SGMS1: variants seen among roughly 807,000 people sequenced by gnomAD.
SGMS1 encodes the protein phosphatidylcholine:ceramide cholinephosphotransferase 1.
A neutral mutation model predicts 46.2 loss-of-function variants in SGMS1; 13 were observed. The observed-to-expected ratio is 0.28, with a 90% CI of 0.18 to 0.45. The LOEUF is 0.45. Ranked by LOEUF, SGMS1 falls within the 20% of genes least tolerant of loss-of-function variation. SGMS1 has a pLI of 1.00. For missense variants in SGMS1, 324 were observed against 519.9 expected (o/e 0.62, Z 3.66); for synonymous variants, 203 against 187.8 (o/e 1.08, Z -0.66).
At chr10:50,485,490 C>T (rs977668493) in intron 3 of SGMS1, among the ~76,000 whole-genome samples, 8 of 152,124 alleles carry the variant, frequency 5.3e-5, no homozygotes, top group Non-Finnish European at 8.8e-5. Flanking sequence ...TTTACAGATT[C>T]GATGCTATTC....
chr10:50,367,718 C>A (rs1265334814), intron 6 of SGMS1, among the ~76,000 whole-genome samples: 1 of 152,208 alleles, frequency 6.6e-6, no homozygotes, highest in Non-Finnish European at 1.5e-5. Flanking sequence ...ATCCTTTCCA[C>A]TCACCGCTGA....
At chr10:50,619,410 A>G (rs1021882135) in intron 1 of SGMS1, among the ~76,000 whole-genome samples, 2 of 152,238 alleles carry the variant, frequency 1.3e-5, no homozygotes, top group Non-Finnish European at 2.9e-5. Flanking sequence ...AAAGAATGAA[A>G]TCTATAGCAC....
intron 2 of SGMS1, among the ~76,000 whole-genome samples, chr10:50,565,522 G>C (rs995115267): frequency 6.6e-6 from 1 of 152,168 alleles, no homozygotes; most frequent in Non-Finnish European, 1.5e-5. Context: ...AAGTGGTTAA[G>C]GGCATGGGTT....
At chr10:50,382,207 T>C (rs901823296) in intron 6 of SGMS1, among the ~76,000 whole-genome samples, 2 of 152,148 alleles carry the variant, frequency 1.3e-5, no homozygotes, top group African/African-American at 4.8e-5. Flanking sequence ...TGGTATCAGC[T>C]AATCTAAGGG....
At chr10:50,448,363 T>C (rs1422346053) in intron 5 of SGMS1, among the ~76,000 whole-genome samples, 1 of 152,192 alleles carries the variant, frequency 6.6e-6, no homozygotes, top group Non-Finnish European at 1.5e-5. Flanking sequence ...CCCTTATTAA[T>C]GTCTGCAGTC....
In SGMS1 at chr10:50,311,335, G is replaced by A; in HGVS notation, c.822C>T (p.His274=). 6.2e-7 allele frequency: 1 copy of A among 1,614,018 alleles called. No homozygotes were observed. The highest frequency in any genetic ancestry group is 1.1e-5 in the South Asian group (1 of 91,068). ...AGGGLSITGS[H]NMCGDYLYSG... ...TGTACAGATAGTCCCCACACATGTT[G>A]TGAGAGCCAGTGATAGACAAGCCAC... The change falls in exon 9 of 11, where the codon CAC becomes CAT. Residue 274 remains histidine (H), a synonymous_variant. Transcript: ENST00000361781.
At chr10:50,334,227 A>T (rs1307038807) in intron 7 of SGMS1, among the ~76,000 whole-genome samples, 1 of 152,260 alleles carries the variant, frequency 6.6e-6, no homozygotes, top group African/African-American at 2.4e-5. Context: ...AGTATCCTCC[A>T]GAAACTGCTA....
intron 2 of SGMS1, among the ~76,000 whole-genome samples, chr10:50,526,249 A>G (rs1837900359): frequency 6.6e-6 from 1 of 152,188 alleles, no homozygotes; most frequent in African/African-American, 2.4e-5. Context: ...AAAGGGAAGC[A>G]AGCACCTTCT....
chr10:50,475,975 G>C (rs1051540784), intron 3 of SGMS1, among the ~76,000 whole-genome samples: 2 of 151,586 alleles, frequency 1.3e-5, no homozygotes, highest in African/African-American at 4.9e-5. Context: ...TAGGGGATGG[G>C]TGCAGTGGCT....
rs1391262370 is a variant in SGMS1, at chr10:50,307,331, CAAAGAAACAT to C, written c.1063-20_1063-11del. ...AAGCTTCCTTTAGCACCTAGGATAA[CAAAGAAACAT>C]AAACACATTTCTTACAATCTTTCAC... On this transcript the variant is annotated splice_polypyrimidine_tract_variant and intron_variant, in intron 10 of 10. Coordinates refer to ENST00000361781, the MANE Select transcript of SGMS1 (RefSeq NM_147156.4). The surrounding 1 kb of genome is among the most constrained non-coding windows in gnomAD (Gnocchi z 4.2). 1 of 1,605,828 alleles carries C rather than the reference CAAAGAAACAT, an allele frequency of 6.2e-7. No individual in the cohort carries two copies. The highest frequency in any genetic ancestry group is 2.2e-5 in the East Asian group (1 of 44,802).
At chr10:50,320,862 G>T (rs1458230172) in intron 8 of SGMS1, among the ~76,000 whole-genome samples, 1 of 152,234 alleles carries the variant, frequency 6.6e-6, no homozygotes, top group Non-Finnish European at 1.5e-5. Flanking sequence ...GGTGCCTCCG[G>T]TGTCTGTGCA....
intron 6 of SGMS1, among the ~76,000 whole-genome samples, chr10:50,425,760 A>C (rs1317802296): frequency 6.6e-6 from 1 of 152,240 alleles, no homozygotes. Context: ...AAATTTTTTA[A>C]AAAGCCGTGA....
chr10:50,402,255 T>C (rs1311397511), intron 6 of SGMS1, among the ~76,000 whole-genome samples: 2 of 152,222 alleles, frequency 1.3e-5, no homozygotes, highest in African/African-American at 2.4e-5. Flanking sequence ...TATTTTTGCA[T>C]TGAATGCCAC....
chr10:50,505,410 A>G (rs1400642882), intron 3 of SGMS1, among the ~76,000 whole-genome samples: 7 of 152,184 alleles, frequency 4.6e-5, no homozygotes, highest in Admixed American at 3.9e-4. Context: ...TATCATGCCT[A>G]ACACTGAAAT....
chr10:50,541,731 G>T (rs1438855458), intron 2 of SGMS1, among the ~76,000 whole-genome samples: 1 of 152,110 alleles, frequency 6.6e-6, no homozygotes, highest in African/African-American at 2.4e-5. Flanking sequence ...AAGGAAAAGG[G>T]GTTGTTTTGA....
intron 6 of SGMS1, among the ~76,000 whole-genome samples, chr10:50,423,479 T>C (rs1269517228): frequency 1.3e-5 from 2 of 152,140 alleles, no homozygotes; most frequent in African/African-American, 4.8e-5. Flanking sequence ...AGAAAACGGG[T>C]TTAATTCTCA....
At chr10:50,578,856 G>T (rs745367676) in intron 2 of SGMS1, among the ~76,000 whole-genome samples, 3 of 152,136 alleles carry the variant, frequency 2.0e-5, no homozygotes, top group Non-Finnish European at 4.4e-5. Flanking sequence ...AGATTAAAAT[G>T]TTAAGCTTTT....
At chr10:50,592,309 T>C (rs948162205) in intron 1 of SGMS1, among the ~76,000 whole-genome samples, 2 of 152,244 alleles carry the variant, frequency 1.3e-5, no homozygotes, top group Non-Finnish European at 2.9e-5. Context: ...AAAACAAGTA[T>C]AAATTATGGA....
rs190295938 is a variant in SGMS1, at chr10:50,527,207, G to A, written c.-588-7286C>T. Among the ~76,000 whole-genome samples the A allele has an allele frequency of 5.3e-5, 8 of 152,208 alleles. No homozygotes were observed. In the East Asian group the frequency reaches 1.3e-3, roughly 26 times the overall value. ...CATCAAGCATGGAGCAGTGGGGTAG[G>A]CCTCTGTGGGGAAAGTCAAAATGAA... On this transcript the variant is annotated intron_variant, in intron 2 of 10. Coordinates refer to ENST00000361781, the MANE Select transcript of SGMS1 (RefSeq NM_147156.4).
Sources: allele counts gnomAD v4.1 joint callset (sites outside exome capture counted in the v4.1 genomes callset), GRCh38; gene constraint gnomAD v4.1.1; non-coding constraint Gnocchi (gnomAD v3.1); transcripts MANE v1.5; gene names NCBI Gene and HGNC (gene_info 2026-07-23, HGNC 2026-07-21).